The following PRICKLE1 variants were observed in gnomAD, a reference collection of about 807,000 sequenced individuals.
The protein encoded by PRICKLE1 is prickle planar cell polarity protein 1, also known as prickle-like protein 1.
In PRICKLE1, 14 loss-of-function variants were observed where a neutral mutation model predicts 70.2. That is an observed-to-expected ratio of 0.20 (90% confidence interval 0.13 to 0.31). The LOEUF is 0.31. Ranked by LOEUF, PRICKLE1 falls within the 10% of genes least tolerant of loss-of-function variation. PRICKLE1 has a pLI of 1.00. For missense variants in PRICKLE1, 821 were observed against 1,026.2 expected, an observed-to-expected ratio of 0.80 and a Z score of 2.73; for synonymous variants, 357 against 379.9, an observed-to-expected ratio of 0.94 and a Z score of 0.70.
At chr12:42,570,412 T>C (rs371884762) in intron 1 of PRICKLE1, among the ~76,000 whole-genome samples, 1 of 152,228 alleles carries the variant, frequency 6.6e-6, no homozygotes, top group South Asian at 2.1e-4. Flanking sequence ...ATGGCACCCA[T>C]ATTTCTCTTT....
At chr12:42,491,049 A>C (rs576447321) in intron 1 of PRICKLE1, among the ~76,000 whole-genome samples, 7 of 150,714 alleles carry the variant, frequency 4.6e-5, no homozygotes, top group African/African-American at 1.7e-4. Context: ...TACTTTTTCT[A>C]TCTTTAGGAA....
chr12:42,561,659 C>A (rs1940514467), intron 1 of PRICKLE1, among the ~76,000 whole-genome samples: 1 of 152,074 alleles, frequency 6.6e-6, no homozygotes, highest in African/African-American at 2.4e-5. Flanking sequence ...TCAGAGTAGA[C>A]AATGAAATGT....
At chr12:42,484,951 T>C (rs1230712697) in intron 1 of PRICKLE1, among the ~76,000 whole-genome samples, 1 of 152,176 alleles carries the variant, frequency 6.6e-6, no homozygotes, top group Non-Finnish European at 1.5e-5. Flanking sequence ...AAATGCAATA[T>C]TTAAGAGCTT....
chr12:42,506,639 G>A (rs945101184), intron 1 of PRICKLE1, among the ~76,000 whole-genome samples: 4 of 127,076 alleles, frequency 3.1e-5, no homozygotes, highest in East Asian at 2.5e-4. Flanking sequence ...GCAGTGGCAC[G>A]ATCTTGGCTC....
chr12:42,477,402 T>TATATAC (rs556294893), intron 1 of PRICKLE1, among the ~76,000 whole-genome samples: 9 of 148,478 alleles, frequency 6.1e-5, no homozygotes, highest in African/African-American at 2.2e-4. Context: ...TATATATATA[T>TATATAC]ACACATATTA....
chr12:42,504,411 A>C (rs1193453799), intron 1 of PRICKLE1, among the ~76,000 whole-genome samples: 1 of 152,250 alleles, frequency 6.6e-6, no homozygotes, highest in Non-Finnish European at 1.5e-5. Context: ...TAGTGGGCAG[A>C]AAAATCTGCA....
intron 1 of PRICKLE1, among the ~76,000 whole-genome samples, chr12:42,552,437 GA>G (rs1344919921): frequency 2.0e-5 from 3 of 152,140 alleles, no homozygotes; most frequent in Admixed American, 2.0e-4. Context: ...TTAATAACAG[GA>G]AACTAAGTAA....
In PRICKLE1 at chr12:42,510,252, G is replaced by A. The variant is rs980323946; in HGVS notation, c.-48-37688C>T. On this transcript the variant is annotated intron_variant, in intron 1 of 7. Transcript: ENST00000345127. ...TGGGACTACAGGCGCCCGCCACCAG[G>A]CCCGGCTAATTTTTTGTATTTTTAG... Among the ~76,000 whole-genome samples the A allele has an allele frequency of 5.2e-4, 79 of 152,026 alleles. No individual in the cohort carries two copies. The Middle Eastern group carries it at 0.01, about 20-fold the overall frequency.
intron 1 of PRICKLE1, among the ~76,000 whole-genome samples, chr12:42,492,672 A>G (rs1018876145): frequency 6.6e-6 from 1 of 152,238 alleles, no homozygotes; most frequent in Non-Finnish European, 1.5e-5. Flanking sequence ...TGGAATTCAA[A>G]TTGTTCTGCT....
intron 1 of PRICKLE1, among the ~76,000 whole-genome samples, chr12:42,497,209 G>A (rs945918732): frequency 1.3e-5 from 2 of 152,130 alleles, no homozygotes; most frequent in African/African-American, 4.8e-5. Context: ...GGAGGAGAAA[G>A]ATGAGGGAAA....
At chr12:42,587,303 T>C (rs1415700288) in intron 1 of PRICKLE1, among the ~76,000 whole-genome samples, 2 of 152,204 alleles carry the variant, frequency 1.3e-5, no homozygotes, top group Non-Finnish European at 2.9e-5. Context: ...CTATAAACTA[T>C]CCAGTTTTTC....
chr12:42,588,468 A>G (rs1419697169), intron 1 of PRICKLE1, among the ~76,000 whole-genome samples: 2 of 152,082 alleles, frequency 1.3e-5, no homozygotes, highest in Non-Finnish European at 2.9e-5. Flanking sequence ...TTAACTCTGC[A>G]GGAGAGGCAG....
intron 1 of PRICKLE1, among the ~76,000 whole-genome samples, chr12:42,526,459 A>C (rs952505034): frequency 6.6e-6 from 1 of 152,128 alleles, no homozygotes; most frequent in Non-Finnish European, 1.5e-5. Flanking sequence ...TGGAAAGTGA[A>C]TAGTAATACA....
chr12:42,543,254 T>G (rs1025192598), intron 1 of PRICKLE1, among the ~76,000 whole-genome samples: 4 of 152,216 alleles, frequency 2.6e-5, no homozygotes, highest in African/African-American at 9.6e-5. Context: ...AGATTCAGGC[T>G]AAATGTTCTT....
intron 1 of PRICKLE1, among the ~76,000 whole-genome samples, chr12:42,492,583 C>T (rs1400621246): frequency 1.3e-5 from 2 of 152,134 alleles, no homozygotes; most frequent in Non-Finnish European, 2.9e-5. Context: ...CTTTCTGCAA[C>T]TGTAGGAATT....
At chr12:42,573,174 GTTGAC>G (rs1940749253) in intron 1 of PRICKLE1, among the ~76,000 whole-genome samples, 2 of 152,200 alleles carry the variant, frequency 1.3e-5, no homozygotes, top group Admixed American at 6.5e-5. Context: ...CTGTGGAGTA[GTTGAC>G]TTGAGAAACG....
At chr12:42,461,751 A>G (rs988314117) in intron 7 of PRICKLE1, among the ~76,000 whole-genome samples, 3 of 152,248 alleles carry the variant, frequency 2.0e-5, no homozygotes, top group Non-Finnish European at 4.4e-5. Flanking sequence ...AAATACATAT[A>G]GCCCTATAGA....
At chr12:42,559,483 C>T (rs536729335) in intron 1 of PRICKLE1, among the ~76,000 whole-genome samples, 9 of 151,880 alleles carry the variant, frequency 5.9e-5, no homozygotes, top group Middle Eastern at 3.4e-3. Flanking sequence ...TGGGCTCAAG[C>T]GATCCTCCCA....
chr12:42,509,849 C>T (rs1359796949), intron 1 of PRICKLE1, among the ~76,000 whole-genome samples: 2 of 151,804 alleles, frequency 1.3e-5, no homozygotes, highest in Non-Finnish European at 2.9e-5. Context: ...CTGAGGCAGG[C>T]GGATCATGAG....
Sources: allele counts gnomAD v4.1 joint callset (sites outside exome capture counted in the v4.1 genomes callset), GRCh38; gene constraint gnomAD v4.1.1; transcripts MANE v1.5; gene names NCBI Gene and HGNC (gene_info 2026-07-23, HGNC 2026-07-21).